MGMT: variants seen among roughly 807,000 people sequenced by gnomAD.
MGMT encodes the protein O-6-methylguanine-DNA methyltransferase.
A neutral mutation model predicts 15.9 loss-of-function variants in MGMT; 14 were observed. That is an observed-to-expected ratio of 0.88 (90% CI 0.58 to 1.37). The LOEUF (loss-of-function observed/expected upper bound fraction) is 1.37, where lower values mean the gene tolerates loss of function less well. MGMT is among the 40% of genes most tolerant of loss of function. MGMT has a pLI of 0.00. For synonymous variants in MGMT, 130 were observed against 118.2 expected, an observed-to-expected ratio of 1.10 and a Z score of -0.65; for missense variants, 282 against 268.1, an observed-to-expected ratio of 1.05 and a Z score of -0.36.
intron 2 of MGMT, among the ~76,000 whole-genome samples, chr10:129,577,430 T>C (rs1386235779): frequency 6.6e-6 from 1 of 152,108 alleles, no homozygotes; most frequent in Non-Finnish European, 1.5e-5. Context: ...AAAGAAGAAA[T>C]GGGGAAAGGA....
chr10:129,605,413 C>A (rs1846877314), intron 2 of MGMT, among the ~76,000 whole-genome samples: 1 of 152,050 alleles, frequency 6.6e-6, no homozygotes, highest in African/African-American at 2.4e-5. Flanking sequence ...TTTCATGGGC[C>A]CCTGTCCCCA....
chr10:129,649,197 C>T (rs1346345209), intron 2 of MGMT, among the ~76,000 whole-genome samples: 6 of 152,160 alleles, frequency 3.9e-5, no homozygotes, highest in South Asian at 2.1e-4. Flanking sequence ...TGACTGAACT[C>T]GGCTGTTATC....
intron 2 of MGMT, among the ~76,000 whole-genome samples, chr10:129,617,725 T>A (rs1847044273): frequency 6.6e-6 from 1 of 152,272 alleles, no homozygotes; most frequent in Admixed American, 6.5e-5. Context: ...CATATGTATG[T>A]CTTCTTTTGA....
chr10:129,719,508 G>A (rs1423904205), intron 3 of MGMT, among the ~76,000 whole-genome samples: 1 of 152,208 alleles, frequency 6.6e-6, no homozygotes. Context: ...GCGGCAGGGT[G>A]TCAGCTACTC....
intron 1 of MGMT, among the ~76,000 whole-genome samples, chr10:129,494,550 A>G (rs1025883994): frequency 3.3e-5 from 5 of 152,242 alleles, no homozygotes; most frequent in African/African-American, 7.2e-5. Context: ...AGTTTTTGCA[A>G]TGATGGAAAT....
At chr10:129,584,370 G>A (rs530582573) in intron 2 of MGMT, among the ~76,000 whole-genome samples, 1 of 152,142 alleles carries the variant, frequency 6.6e-6, no homozygotes, top group South Asian at 2.1e-4. Context: ...CAGCACACAC[G>A]AATCAGGAGA....
intron 2 of MGMT, among the ~76,000 whole-genome samples, chr10:129,584,161 C>T (rs967662957): frequency 6.6e-6 from 1 of 152,184 alleles, no homozygotes; most frequent in African/African-American, 2.4e-5. Context: ...ATGAAAGCCG[C>T]TCTCAACAGG....
At chr10:129,760,187 G>A (rs1235603303) in intron 4 of MGMT, among the ~76,000 whole-genome samples, 1 of 152,220 alleles carries the variant, frequency 6.6e-6, no homozygotes, top group South Asian at 2.1e-4. Context: ...GGGCCATCTG[G>A]CATCTGGCAT....
chr10:129,605,258 G>C (rs1291336349), intron 2 of MGMT, among the ~76,000 whole-genome samples: 3 of 152,182 alleles, frequency 2.0e-5, no homozygotes, highest in Admixed American at 2.0e-4. Flanking sequence ...TTCAAACATA[G>C]TGTAAACTAA....
At chr10:129,558,803 C>A (rs1014268293) in intron 2 of MGMT, among the ~76,000 whole-genome samples, 1 of 152,114 alleles carries the variant, frequency 6.6e-6, no homozygotes, top group Non-Finnish European at 1.5e-5. Flanking sequence ...TGGAGCCTTT[C>A]GAAAAGTGTG....
At chr10:129,711,487 G>A (rs945799963) in intron 3 of MGMT, among the ~76,000 whole-genome samples, 9 of 152,206 alleles carry the variant, frequency 5.9e-5, no homozygotes, top group African/African-American at 1.7e-4. Context: ...GTGGGAGGGC[G>A]CTGAGGCTCT....
At chr10:129,611,444 G>A (rs549572845) in intron 2 of MGMT, among the ~76,000 whole-genome samples, 2 of 152,320 alleles carry the variant, frequency 1.3e-5, no homozygotes, top group East Asian at 1.9e-4. Flanking sequence ...GGGGAAATCT[G>A]CCCCTGTGAT....
intron 2 of MGMT, among the ~76,000 whole-genome samples, chr10:129,671,921 G>A (rs1847729111): frequency 6.6e-6 from 1 of 152,182 alleles, no homozygotes; most frequent in African/African-American, 2.4e-5. Context: ...ATAAGAATCA[G>A]CTGGCTATAC....
intron 1 of MGMT, among the ~76,000 whole-genome samples, chr10:129,505,153 G>C (rs936402271): frequency 2.0e-5 from 3 of 152,158 alleles, no homozygotes; most frequent in Non-Finnish European, 2.9e-5. Context: ...AATATAACTA[G>C]TAGGATTTTT....
chr10:129,499,457 G>A (rs967405032), intron 1 of MGMT, among the ~76,000 whole-genome samples: 1 of 152,154 alleles, frequency 6.6e-6, no homozygotes, highest in African/African-American at 2.4e-5. Context: ...AATAAAGCAA[G>A]GAAGACCCTC....
At chr10:129,681,512 C>A (rs891929645) in intron 2 of MGMT, among the ~76,000 whole-genome samples, 3 of 152,156 alleles carry the variant, frequency 2.0e-5, no homozygotes, top group Admixed American at 6.5e-5. Context: ...TTAAAAAATT[C>A]TGTTCCTAAA....
intron 1 of MGMT, among the ~76,000 whole-genome samples, chr10:129,470,610 T>C (rs1040519743): frequency 1.3e-5 from 2 of 152,198 alleles, no homozygotes; most frequent in African/African-American, 2.4e-5. Context: ...CACTGAGTCC[T>C]GCCAAGGTGC....
chr10:129,490,561 C>T (rs1176657249), intron 1 of MGMT, among the ~76,000 whole-genome samples: 1 of 151,554 alleles, frequency 6.6e-6, no homozygotes, highest in African/African-American at 2.4e-5. Context: ...TATATTTTTG[C>T]ACAGTCTATC....
At chr10:129,629,266 C>T (rs1456253489) in intron 2 of MGMT, among the ~76,000 whole-genome samples, 1 of 152,254 alleles carries the variant, frequency 6.6e-6, no homozygotes, top group Admixed American at 6.5e-5. Flanking sequence ...CTTAGTACTG[C>T]ATGATTTCAG....
Sources: gnomAD v4.1 joint callset for allele counts (sites outside exome capture counted in the v4.1 genomes callset) on GRCh38, gnomAD v4.1.1 for gene constraint, MANE v1.5 for transcripts, NCBI Gene and HGNC (gene_info 2026-07-23, HGNC 2026-07-21) for gene names.